MICU2: variants seen among roughly 807,000 people sequenced by gnomAD.
The protein encoded by MICU2 is calcium uptake protein 2, mitochondrial.
MICU2 carries 64 observed loss-of-function variants against 60.4 expected under a neutral mutation model. That is an observed-to-expected ratio of 1.06 (90% CI 0.87 to 1.31). MICU2 has a LOEUF of 1.31. Among genes scored for constraint, MICU2 ranks in the 50% most tolerant of loss-of-function variants. MICU2 has a pLI of 0.00. For missense variants in MICU2, 569 were observed against 531.0 expected, an observed-to-expected ratio of 1.07 and a Z score of -0.70; for synonymous variants, 201 against 175.0, an observed-to-expected ratio of 1.15 and a Z score of -1.17.
At chr13:21,537,519 G>A (rs913238556) in intron 4 of MICU2, among the ~76,000 whole-genome samples, 1 of 149,976 alleles carries the variant, frequency 6.7e-6, no homozygotes, top group African/African-American at 2.5e-5. Context: ...GCCCAGGCTG[G>A]AGTGTAATGG....
intron 10 of MICU2, 68 bp downstream of exon 10, chr13:21,495,984 T>C (rs1728903126): frequency 9.3e-7 from 1 of 1,075,258 alleles, no homozygotes; most frequent in African/African-American, 1.6e-5. Flanking sequence ...ATTGGTAGCA[T>C]TTAGTTGAAG....
chr13:21,559,909 A>T (rs916687368), intron 2 of MICU2, among the ~76,000 whole-genome samples: 2 of 152,218 alleles, frequency 1.3e-5, no homozygotes, highest in African/African-American at 4.8e-5. Context: ...TTTTGTCTTT[A>T]ACAAAATTAA....
intron 1 of MICU2, among the ~76,000 whole-genome samples, chr13:21,600,196 C>T (rs1888783475): frequency 6.6e-6 from 1 of 152,230 alleles, no homozygotes; most frequent in South Asian, 2.1e-4. Context: ...GCTTATGGGA[C>T]ACTTAATGAT....
intron 5 of MICU2, 118 bp from the exon 6 acceptor site, chr13:21,521,445 A>G: frequency 1.5e-6 from 1 of 674,202 alleles, no homozygotes. Context: ...GTGCCTACAC[A>G]GAAAAATAAT....
At chr13:21,499,108 G>GC (rs914122313) in intron 9 of MICU2, among the ~76,000 whole-genome samples, 2 of 151,884 alleles carry the variant, frequency 1.3e-5, no homozygotes, top group African/African-American at 2.4e-5. Context: ...GCGCCACCAC[G>GC]CCCCGCTAAT....
intron 1 of MICU2, among the ~76,000 whole-genome samples, chr13:21,567,721 TG>T (rs1888018521): frequency 6.6e-6 from 1 of 152,204 alleles, no homozygotes; most frequent in African/African-American, 2.4e-5. Flanking sequence ...AAGAACTTTT[TG>T]TTGAGCATTT....
intron 1 of MICU2, among the ~76,000 whole-genome samples, chr13:21,597,930 CAAAAAAAAA>C (rs11428461): frequency 4.2e-4 from 36 of 84,728 alleles, no homozygotes; most frequent in Non-Finnish European, 4.4e-5. Context: ...GACTCTGTCT[CAAAAAAAAA>C]AAAAAAAAAA....
intron 1 of MICU2, among the ~76,000 whole-genome samples, chr13:21,586,652 T>C (rs1888465157): frequency 6.6e-6 from 1 of 152,068 alleles, no homozygotes; most frequent in South Asian, 2.1e-4. Context: ...CCTCAAGTAA[T>C]CCTCCTGCCT....
In MICU2 at chr13:21,523,196, A is replaced by G. The variant is rs531882979; in HGVS notation, c.467-546T>C. 3.3e-5 allele frequency among the ~76,000 whole-genome samples: 5 copies of G among 152,324 alleles called. No homozygotes were observed. In the South Asian group the frequency reaches 1.0e-3, roughly 32 times the overall value. On this transcript the variant is annotated intron_variant, in intron 4 of 11. Transcript: ENST00000382374. ...ACACCATCAGCTTTTCTGGGTCTAC[A>G]GCTTGCAGATGGCAGATCATGGGAC...
At position 21,604,063 on chromosome 13, in the gene MICU2, A is replaced by G. The variant is rs761398949; in HGVS notation, c.86T>C (p.Val29Ala). Reference protein sequence around the residue: ...RRGLAVSRQAVRSPGPLAAAV... With the variant: ...RRGLAVSRQAARSPGPLAAAV... ...CGCTGCCAAGGGGCCGGGACTCCGC[A>G]CAGCCTGTCGGCTGACAGCGAGCCC... The change falls in exon 1 of 12, where the codon GTG becomes GCG. Residue 29 changes from valine (V) to alanine (A), a missense_variant. Val to Ala is a moderately conservative substitution (Grantham distance 64). Coordinates refer to ENST00000382374, the MANE Select transcript of MICU2 (RefSeq NM_152726.3). The G allele has an allele frequency of 2.5e-6, 4 of 1,603,218 alleles. No homozygotes were observed. In the South Asian group the frequency reaches 4.4e-5, roughly 18 times the overall value.
intron 1 of MICU2, among the ~76,000 whole-genome samples, chr13:21,603,380 A>G (rs547443282): frequency 1.3e-5 from 2 of 152,292 alleles, no homozygotes; most frequent in African/African-American, 2.4e-5. Context: ...CTTAAAGTTG[A>G]TAATAAAATC....
intron 1 of MICU2, among the ~76,000 whole-genome samples, chr13:21,575,510 C>T (rs925998599): frequency 1.3e-5 from 2 of 151,352 alleles, no homozygotes; most frequent in Admixed American, 1.3e-4. Context: ...ATCCCTTGAG[C>T]CCAAGAGTTT....
intron 2 of MICU2, among the ~76,000 whole-genome samples, chr13:21,540,348 A>G (rs1887251728): frequency 6.6e-6 from 1 of 152,176 alleles, no homozygotes; most frequent in Non-Finnish European, 1.5e-5. Flanking sequence ...AATCATTTTA[A>G]ACATCCAGAA....
At chr13:21,561,943 T>C (rs1026908883) in intron 2 of MICU2, among the ~76,000 whole-genome samples, 5 of 143,602 alleles carry the variant, frequency 3.5e-5, no homozygotes, top group African/African-American at 1.3e-4. Flanking sequence ...TTCCCATCTA[T>C]GAGTGAGAAC....
chr13:21,495,144 TA>T lies in MICU2; in HGVS notation c.1200+16del, dbSNP rs111281398. 7.0e-3 allele frequency: 11,088 copies of T among 1,585,404 alleles called. 659 individuals are homozygous for T. The African/African-American group carries it at 0.13, about 18-fold the overall frequency. On this transcript the variant is annotated intron_variant, in intron 11 of 11. Transcript: ENST00000382374. Reference sequence around the variant, plus strand: ...AATGACAATGTAAACATGTATTATATAAAAAAAATCTGTTACCCATAAACCT... The same window carrying T: ...AATGACAATGTAAACATGTATTATATAAAAAAATCTGTTACCCATAAACCT...
intron 2 of MICU2, among the ~76,000 whole-genome samples, chr13:21,541,912 T>C (rs1487327812): frequency 1.3e-5 from 2 of 152,186 alleles, no homozygotes; most frequent in Non-Finnish European, 2.9e-5. Flanking sequence ...CAGTTTAAGT[T>C]GTAAAAACAT....
chr13:21,586,797 G>A (rs1019679046), intron 1 of MICU2, among the ~76,000 whole-genome samples: 5 of 152,024 alleles, frequency 3.3e-5, no homozygotes, highest in African/African-American at 1.2e-4. Context: ...ATTCTAACTT[G>A]CGCAGCATTT....
At chr13:21,528,110 A>T (rs1010789512) in intron 4 of MICU2, among the ~76,000 whole-genome samples, 5 of 152,188 alleles carry the variant, frequency 3.3e-5, no homozygotes, top group Admixed American at 2.6e-4. Flanking sequence ...CAGTTTAAAA[A>T]ATATATATAT....
chr13:21,529,703 T>A (rs772739759), intron 4 of MICU2, among the ~76,000 whole-genome samples: 1 of 152,200 alleles, frequency 6.6e-6, no homozygotes. Flanking sequence ...AGAAGTTTCA[T>A]GTAAGTCACT....
Sources: allele counts gnomAD v4.1 joint callset (sites outside exome capture counted in the v4.1 genomes callset), GRCh38; gene constraint gnomAD v4.1.1; transcripts MANE v1.5; gene names NCBI Gene and HGNC (gene_info 2026-07-23, HGNC 2026-07-21).